Variants in ZNF697 observed in about 807,000 individuals in gnomAD.
ZNF697 encodes zinc finger protein 697.
Under a neutral mutation model 32.4 loss-of-function variants are expected in ZNF697, and 23 were observed. The ratio of observed to expected loss-of-function variants is 0.71; its 90% confidence interval spans 0.51 to 1.01. ZNF697 has a LOEUF of 1.01. ZNF697 is among the 50% of genes least tolerant of loss of function. The pLI is 0.00. For missense variants in ZNF697, 930 were observed against 794.0 expected (o/e 1.17, Z -2.06); for synonymous variants, 418 against 337.2 (o/e 1.24, Z -2.62).
chr1:119,637,757 G>A (rs901086727), intron 1 of ZNF697, among the ~76,000 whole-genome samples: 3 of 152,162 alleles, frequency 2.0e-5, no homozygotes, highest in African/African-American at 7.2e-5. Flanking sequence ...AGTGATGGCT[G>A]ACTTAACAGG....
Position 119,648,216 on chromosome 1 carries a change from G to GGCTGGCTGGCTGGCTGGCTGGCTC in ZNF697, c.-564_-563insGAGCCAGCCAGCCAGCCAGCCAGC, listed in dbSNP as rs1286580175. On this transcript the variant is annotated 5_prime_UTR_variant, in exon 1 of 3. Coordinates refer to ENST00000421812, the MANE Select transcript of ZNF697 (RefSeq NM_001080470.2). ...TGGCTGGCTGGTTGGCTGGCTGGCT[G>GGCTGGCTGGCTGGCTGGCTGGCTC]GCTGGCTGGCTGGCTGGCTCGCTGG... is the stretch of plus-strand genomic sequence containing the variant. 2.7e-5 allele frequency among the ~76,000 whole-genome samples: 4 copies of GGCTGGCTGGCTGGCTGGCTGGCTC among 150,684 alleles called. No individual in the cohort carries two copies.
chr1:119,646,010 AAG>A (rs1287173656), intron 1 of ZNF697, among the ~76,000 whole-genome samples: 1 of 152,130 alleles, frequency 6.6e-6, no homozygotes, highest in Non-Finnish European at 1.5e-5. Context: ...AGGAAATTCA[AAG>A]AGTTTTGGTG....
At chr1:119,624,502 T>G (rs587663232) in intron 2 of ZNF697, among the ~76,000 whole-genome samples, 1 of 152,374 alleles carries the variant, frequency 6.6e-6, no homozygotes, top group East Asian at 1.9e-4. Context: ...GAGCTACCAA[T>G]GCCTTTTAAG....
Position 119,625,931 on chromosome 1 carries a change from A to G in ZNF697, c.170T>C (p.Met57Thr), listed in dbSNP as rs1415403921. ...CCTTGAGTCCTGTGGGTTGGAGCCC[A>G]TCTCCGGCTCCGGATGGCCTTCTCT... ...NKREGHPEPE[M>T]GSNPQDSRHR... The change falls in exon 2 of 3, where the codon ATG becomes ACG. Residue 57 changes from methionine to threonine, a missense_variant. Coordinates refer to ENST00000421812, the MANE Select transcript of ZNF697 (RefSeq NM_001080470.2). 3 of 1,613,864 alleles carry G rather than the reference A, an allele frequency of 1.9e-6. No individual in the cohort carries two copies. The Admixed American group carries it at 5.0e-5, about 27-fold the overall frequency.
Position 119,623,955 on chromosome 1 carries a change from C to T in ZNF697, c.388G>A (p.Glu130Lys), listed in dbSNP as rs957499845. The T allele has an allele frequency of 1.6e-5, 26 of 1,603,208 alleles. No individual in the cohort carries two copies. The highest frequency in any genetic ancestry group is 2.1e-5 in the Non-Finnish European group (25 of 1,175,070). The change falls in exon 3 of 3, where the codon GAG becomes AAG. Residue 130 changes from glutamate to lysine, a missense_variant. Physicochemically the swap from Glu to Lys is moderately conservative, Grantham distance 56. Coordinates refer to ENST00000421812, the MANE Select transcript of ZNF697 (RefSeq NM_001080470.2). ...DDESAGENRL[E>K]EEEEQPAPPV... Reference sequence around the variant, plus strand: ...GGGGCCGGCTGCTCCTCTTCCTCCTCCAGCCGGTTCTCCCCAGCACTCTCG... The same window carrying T: ...GGGGCCGGCTGCTCCTCTTCCTCCTTCAGCCGGTTCTCCCCAGCACTCTCG...
intron 1 of ZNF697, among the ~76,000 whole-genome samples, chr1:119,643,623 T>TC (rs587725506): frequency 2.6e-5 from 4 of 152,330 alleles, no homozygotes; most frequent in African/African-American, 9.6e-5. Flanking sequence ...ATTATCTTCC[T>TC]TCCTCTCCCC....
intron 1 of ZNF697, among the ~76,000 whole-genome samples, chr1:119,633,380 G>A (rs887610423): frequency 6.6e-6 from 1 of 151,802 alleles, no homozygotes; most frequent in Non-Finnish European, 1.5e-5. Flanking sequence ...GTGTGTGTGT[G>A]TGTGTGTGTG....
In ZNF697 at chr1:119,622,799, T is replaced by G; in HGVS notation, c.1544A>C (p.His515Pro). 1 of 1,601,416 alleles carries G rather than the reference T, an allele frequency of 6.2e-7. No homozygotes were observed. Among genetic ancestry groups the G allele is most frequent in the Non-Finnish European group, 8.5e-7 (1 of 1,174,258 alleles). The change falls in exon 3 of 3, where the codon CAC (histidine) becomes CCC (proline). Residue 515 changes from histidine to proline, a missense_variant. By Grantham distance (77) the His-to-Pro change is moderately conservative. Coordinates refer to ENST00000421812, the MANE Select transcript of ZNF697 (RefSeq NM_001080470.2). ...ACACTTGTGCGGCTTGTTGCCCGTG[T>G]GGATGCGGCGGTGGCGGATCAGGTG... is the stretch of plus-strand genomic sequence containing the variant. ...SSHLIRHRRI[H>P]TGNKPHKCAG...
chr1:119,634,316 A>G (rs1648864218), intron 1 of ZNF697, among the ~76,000 whole-genome samples: 1 of 152,258 alleles, frequency 6.6e-6, no homozygotes, highest in African/African-American at 2.4e-5. Flanking sequence ...CCGCTCTTCT[A>G]ATTCTTTGCC....
rs192701958 is a variant in ZNF697 at position 119,630,394 on chromosome 1, C to T, written c.-37-4257G>A. Among the ~76,000 whole-genome samples the T allele has an allele frequency of 4.5e-3, 684 of 152,316 alleles. 5 individuals carry two copies. The highest frequency in any genetic ancestry group is 0.02 in the Middle Eastern group (6 of 294). ...CATTCCACCACCACCATCACAAAAC[C>T]TTTTTCTTGGATGCAGATCACTTCA... On this transcript the variant is annotated intron_variant, in intron 1 of 2. Coordinates refer to ENST00000421812, the MANE Select transcript of ZNF697 (RefSeq NM_001080470.2).
rs1648330130 is a variant in ZNF697, at chr1:119,621,915, C to A, written c.*790G>T. On this transcript the variant is annotated 3_prime_UTR_variant, in exon 3 of 3. Transcript: ENST00000421812. ...AAAGAAATACTGGGTGTGGCACACA[C>A]CTGGGATGGGCGAGGGCGGGGGAGG... 1.2e-5 allele frequency: 1 copy of A among 82,044 alleles called. No individual in the cohort carries two copies. Among genetic ancestry groups the A allele is most frequent in the Non-Finnish European group, 2.3e-5 (1 of 43,646 alleles). 5.1% of individuals were successfully genotyped at this position (82,044 alleles called of 1,614,324 possible). A position where few individuals can be genotyped will look rare whatever the true frequency, so the allele number is the denominator to read the frequency against.
chr1:119,624,457 G>C (rs587720967), intron 2 of ZNF697, among the ~76,000 whole-genome samples: 41 of 152,218 alleles, frequency 2.7e-4, no homozygotes, highest in Admixed American at 1.6e-3. Context: ...GGGACACTAC[G>C]TAAGATCTCA....
rs1648328994 is a variant in ZNF697, at chr1:119,621,890, A to T, written c.*815T>A. Reference sequence around the variant, plus strand: ...CTTAAAACACCACAGTTGAGACCTGAAAGAAATACTGGGTGTGGCACACAC... The same window carrying T: ...CTTAAAACACCACAGTTGAGACCTGTAAGAAATACTGGGTGTGGCACACAC... On this transcript the variant is annotated 3_prime_UTR_variant, in exon 3 of 3. Transcript: ENST00000421812. The T allele has an allele frequency of 6.7e-6, 1 of 150,222 alleles. No homozygotes were observed. Among genetic ancestry groups the T allele is most frequent in the African/African-American group, 2.5e-5 (1 of 40,350 alleles). 9.3% of individuals were successfully genotyped at this position (150,222 alleles called of 1,614,324 possible).
intron 1 of ZNF697, among the ~76,000 whole-genome samples, chr1:119,627,703 G>A (rs1264917154): frequency 1.3e-5 from 2 of 152,112 alleles, no homozygotes; most frequent in African/African-American, 4.8e-5. Context: ...CTCCTTTAAT[G>A]TCTTCGGATA....
intron 1 of ZNF697, among the ~76,000 whole-genome samples, chr1:119,637,594 T>G (rs1053994410): frequency 6.6e-6 from 1 of 152,258 alleles, no homozygotes; most frequent in Non-Finnish European, 1.5e-5. Flanking sequence ...AGTTTAGTGC[T>G]CTGGCTTTAG....
At chr1:119,630,879 A>T (rs1482028907) in intron 1 of ZNF697, among the ~76,000 whole-genome samples, 1 of 152,126 alleles carries the variant, frequency 6.6e-6, no homozygotes, top group Admixed American at 6.5e-5. Flanking sequence ...CAAAAAAAAA[A>T]GAGGAAGGGA....
intron 1 of ZNF697, among the ~76,000 whole-genome samples, chr1:119,646,826 G>T (rs1194558225): frequency 1.3e-5 from 2 of 152,164 alleles, no homozygotes; most frequent in South Asian, 2.1e-4. Flanking sequence ...GTCACACTTG[G>T]ACTGTATTCA....
At chr1:119,634,951 T>C (rs1648880344) in intron 1 of ZNF697, among the ~76,000 whole-genome samples, 1 of 152,204 alleles carries the variant, frequency 6.6e-6, no homozygotes, top group African/African-American at 2.4e-5. Flanking sequence ...TAATGAAATA[T>C]TTACAAGTGA....
At chr1:119,624,184 A>G in intron 2 of ZNF697, 68 bp from the exon 3 acceptor site, 1 of 1,478,990 alleles carries the variant, frequency 6.8e-7, no homozygotes, top group Non-Finnish European at 9.0e-7. Context: ...CCCAGAGGAA[A>G]CCTCAGTAAT....
Sources: allele counts gnomAD v4.1 joint callset (sites outside exome capture counted in the v4.1 genomes callset), GRCh38; gene constraint gnomAD v4.1.1; transcripts MANE v1.5; gene names NCBI Gene and HGNC (gene_info 2026-07-23, HGNC 2026-07-21).